The following NRG1 variants were observed in gnomAD, a reference collection of about 807,000 sequenced individuals.
NRG1 encodes pro-neuregulin-1, membrane-bound isoform.
NRG1 carries 18 observed loss-of-function variants against 63.8 expected under a neutral mutation model. The observed-to-expected ratio is 0.28, with a 90% CI of 0.19 to 0.42. The LOEUF (loss-of-function observed/expected upper bound fraction) is 0.42. Ranked by LOEUF, NRG1 falls within the 10% of genes least tolerant of loss-of-function variation. The pLI, the probability that NRG1 is intolerant of heterozygous loss-of-function variation, is 1.00. For missense variants in NRG1, 762 were observed against 814.7 expected, an observed-to-expected ratio of 0.94 and a Z score of 0.79; for synonymous variants, 302 against 301.3, an observed-to-expected ratio of 1.00 and a Z score of -0.02.
intron 1 of NRG1, among the ~76,000 whole-genome samples, chr8:32,438,166 T>A (rs1819026683): frequency 6.6e-6 from 1 of 152,202 alleles, no homozygotes; most frequent in Non-Finnish European, 1.5e-5. Flanking sequence ...TTAGCCCTTT[T>A]GTAGCTACGT....
At chr8:32,614,319 T>TA (rs1290979545) in intron 3 of NRG1, 195 bp from the exon 4 acceptor site, 1 of 470,782 alleles carries the variant, frequency 2.1e-6, no homozygotes, top group Non-Finnish European at 3.8e-6. Context: ...GCTCTTTGCA[T>TA]AAGAAAGGAG....
At chr8:32,739,480 T>G (rs10103750) in intron 6 of NRG1, among the ~76,000 whole-genome samples, 42,549 of 152,056 alleles carry the variant, frequency 0.28, 7,700 homozygotes, top group African/African-American at 0.51. Context: ...AAAATGACTT[T>G]CATACCTCAA....
chr8:32,398,514 G>A (rs1223495327), intron 1 of NRG1, among the ~76,000 whole-genome samples: 5 of 151,508 alleles, frequency 3.3e-5, no homozygotes, highest in African/African-American at 9.7e-5. Flanking sequence ...AGGTTCGAGC[G>A]ATTTTCCTGC....
At chr8:31,641,284 C>T (rs966963101) in intron 1 of NRG1, among the ~76,000 whole-genome samples, 3 of 151,642 alleles carry the variant, frequency 2.0e-5, no homozygotes, top group African/African-American at 7.3e-5. Flanking sequence ...CAGTCTGTAC[C>T]TTGTGAATAT....
At chr8:32,115,298 G>A (rs967839362) in intron 1 of NRG1, among the ~76,000 whole-genome samples, 1 of 151,966 alleles carries the variant, frequency 6.6e-6, no homozygotes, top group African/African-American at 2.4e-5. Flanking sequence ...CCCCAGCTGT[G>A]TAGATAACTT....
chr8:32,742,760 C>T lies in NRG1; in HGVS notation c.691+27C>T. 6.2e-7 allele frequency: 1 copy of T among 1,613,658 alleles called. No homozygotes were observed. Among genetic ancestry groups the T allele is most frequent in the Non-Finnish European group, 8.5e-7 (1 of 1,179,662 alleles). ...TACGTCCACTCCCTTTCTGTCTCTG[C>T]CTGAATAGGAGCATGCTCAGTTGGT... is the stretch of plus-strand genomic sequence containing the variant. On this transcript the variant is annotated intron_variant, in intron 7 of 11. Coordinates refer to ENST00000356819, the Ensembl canonical transcript of NRG1. The surrounding 1 kb of genome is among the most constrained non-coding windows in gnomAD (Gnocchi z 4.2).
chr8:32,608,101 T>TTG (rs1563756729), intron 3 of NRG1, among the ~76,000 whole-genome samples: 5 of 125,110 alleles, frequency 4.0e-5, no homozygotes, highest in Non-Finnish European at 6.5e-5. Flanking sequence ...TGTTTTTTTT[T>TTG]TTTTTGTTTT....
chr8:32,687,016 G>T (rs886388707), intron 5 of NRG1, among the ~76,000 whole-genome samples: 2 of 152,268 alleles, frequency 1.3e-5, no homozygotes, highest in African/African-American at 4.8e-5. Flanking sequence ...TCATAATCTT[G>T]TTCCTGAATG....
chr8:32,284,550 C>CCTTCCTT (rs1297185060), intron 1 of NRG1, among the ~76,000 whole-genome samples: 2 of 150,608 alleles, frequency 1.3e-5, no homozygotes, highest in African/African-American at 2.4e-5. Flanking sequence ...TTCTTTCTTT[C>CCTTCCTT]CACAGAATCT....
intron 1 of NRG1, among the ~76,000 whole-genome samples, chr8:31,879,742 T>C (rs192962556): frequency 2.6e-5 from 4 of 152,298 alleles, no homozygotes; most frequent in African/African-American, 9.6e-5. Flanking sequence ...TGAGTGTCTG[T>C]TGTTTCCTTC....
At chr8:32,249,996 G>T (rs1357680490) in intron 1 of NRG1, among the ~76,000 whole-genome samples, 2 of 152,072 alleles carry the variant, frequency 1.3e-5, no homozygotes, top group Non-Finnish European at 2.9e-5. Context: ...TCTTATCTCA[G>T]AATATGGGAA....
intron 1 of NRG1, among the ~76,000 whole-genome samples, chr8:32,211,396 A>T (rs1844690631): frequency 1.3e-5 from 2 of 152,238 alleles, no homozygotes; most frequent in African/African-American, 4.8e-5. Flanking sequence ...TCCCTTGTGC[A>T]TAAATCGTTG....
chr8:32,459,169 CA>C (rs1347061841), intron 1 of NRG1, among the ~76,000 whole-genome samples: 1 of 152,198 alleles, frequency 6.6e-6, no homozygotes, highest in Admixed American at 6.5e-5. Flanking sequence ...GGCTTTTCCC[CA>C]ACCAGCTCTT....
intron 1 of NRG1, among the ~76,000 whole-genome samples, chr8:31,914,542 T>C (rs546443086): frequency 1.3e-5 from 2 of 152,088 alleles, no homozygotes; most frequent in Non-Finnish European, 2.9e-5. Flanking sequence ...GTACTGCAAT[T>C]TGACTTTTAA....
intron 5 of NRG1, chr8:32,646,888 T>TG: frequency 2.2e-6 from 2 of 925,806 alleles, no homozygotes; most frequent in Non-Finnish European, 2.5e-6. Context: ...GAGCGGGGAG[T>TG]GGGGGTTGGG....
chr8:32,597,555 A>G (rs1222685049), intron 2 of NRG1, among the ~76,000 whole-genome samples: 1 of 152,082 alleles, frequency 6.6e-6, no homozygotes, highest in Non-Finnish European at 1.5e-5. Context: ...TTTATACCTA[A>G]TATTACTAAT....
intron 1 of NRG1, among the ~76,000 whole-genome samples, chr8:31,829,298 T>C (rs1415497415): frequency 1.3e-5 from 2 of 152,226 alleles, no homozygotes; most frequent in Admixed American, 6.5e-5. Context: ...TTCTGGCACC[T>C]TCATTTTTGC....
chr8:32,060,852 T>G (rs1222167656), intron 1 of NRG1, among the ~76,000 whole-genome samples: 1 of 151,962 alleles, frequency 6.6e-6, no homozygotes, highest in Non-Finnish European at 1.5e-5. Flanking sequence ...CGTTTTAAAA[T>G]GGAGCAGTAA....
At chr8:31,986,614 A>T (rs1243930942) in intron 1 of NRG1, among the ~76,000 whole-genome samples, 1 of 152,102 alleles carries the variant, frequency 6.6e-6, no homozygotes, top group Non-Finnish European at 1.5e-5. Context: ...TTTCTTCTCA[A>T]ATAAGATAAA....
Sources: allele counts gnomAD v4.1 joint callset (sites outside exome capture counted in the v4.1 genomes callset), GRCh38; gene constraint gnomAD v4.1.1; non-coding constraint Gnocchi (gnomAD v3.1); transcripts MANE v1.5; gene names NCBI Gene and HGNC (gene_info 2026-07-23, HGNC 2026-07-21).